PSMB1: variants seen among roughly 807,000 people sequenced by gnomAD.
PSMB1 encodes the protein proteasome 20S subunit beta 1.
In PSMB1, 7 loss-of-function variants were observed where a neutral mutation model predicts 25.4. The observed-to-expected ratio is 0.28, with a 90% CI of 0.16 to 0.52. PSMB1 has a LOEUF of 0.52. Ranked by LOEUF, PSMB1 falls within the 20% of genes least tolerant of loss-of-function variation. PSMB1 has a pLI of 0.97. For synonymous variants in PSMB1, 119 were observed against 115.0 expected, an observed-to-expected ratio of 1.03 and a Z score of -0.22; for missense variants, 284 against 302.2, an observed-to-expected ratio of 0.94 and a Z score of 0.45.
At chr6:170,541,532 A>C (rs929219939) in intron 4 of PSMB1, among the ~76,000 whole-genome samples, 1 of 152,228 alleles carries the variant, frequency 6.6e-6, no homozygotes, top group African/African-American at 2.4e-5. Context: ...AAAAGAGTGC[A>C]GTACAAATAC....
At chr6:170,539,589 G>A (rs1006964419) in intron 4 of PSMB1, among the ~76,000 whole-genome samples, 4 of 152,124 alleles carry the variant, frequency 2.6e-5, no homozygotes, top group African/African-American at 9.7e-5. Context: ...TAGGCAAAAA[G>A]ATGTTTCAAA....
At chr6:170,543,257 T>C (rs1778777174) in intron 4 of PSMB1, among the ~76,000 whole-genome samples, 1 of 152,162 alleles carries the variant, frequency 6.6e-6, no homozygotes. Context: ...TGAAGTGTAT[T>C]TGTTAATAAA....
rs1355720732 is a variant in PSMB1, at chr6:170,535,202, G to A, written c.*18C>T. 3.1e-6 allele frequency: 5 copies of A among 1,611,252 alleles called. No homozygotes were observed. Among genetic ancestry groups the A allele is most frequent in the South Asian group, 1.1e-5 (1 of 90,908 alleles). ...AAATCAACCAGGTCTGAACTGATTG[G>A]TGATAAGAGCACACAGATCAGTCCT... On this transcript the variant is annotated 3_prime_UTR_variant, in exon 6 of 6. Coordinates refer to ENST00000262193, the MANE Select transcript of PSMB1 (RefSeq NM_002793.4).
rs188768797 is a variant in PSMB1 at position 170,535,494 on chromosome 6, G to T, written c.541-89C>A. On this transcript the variant is annotated intron_variant, in intron 5 of 5. Transcript: ENST00000262193. ...TTTCTTCCAATACCCTCATGTGTAC[G>T]AGGATTTGTGATGAAAATACTACAC... The T allele has an allele frequency of 9.9e-4, 1,105 of 1,113,740 alleles. 6 individuals carry two copies. Among genetic ancestry groups the T allele is most frequent in the Non-Finnish European group, 1.2e-3 (964 of 782,096 alleles). The allele number at this position is 1,113,740 out of a possible 1,614,324, so 69.0% of individuals were successfully genotyped here.
chr6:170,540,167 G>A (rs1778740866), intron 4 of PSMB1, among the ~76,000 whole-genome samples: 1 of 152,184 alleles, frequency 6.6e-6, no homozygotes, highest in African/African-American at 2.4e-5. Flanking sequence ...CCAAGGGAAA[G>A]AGCTGTGGAC....
In PSMB1 at chr6:170,549,109, T is replaced by C. The variant is rs1583117050; in HGVS notation, c.118A>G (p.Ile40Val). The C allele has an allele frequency of 1.9e-6, 3 of 1,605,806 alleles. No individual in the cohort carries two copies. The highest frequency in any genetic ancestry group is 2.2e-5 in the South Asian group (2 of 90,856). Residue 40 changes from isoleucine (I) to valine (V), a missense_variant, in exon 2 of 6, where the codon ATA becomes GTA. Ile to Val is a conservative substitution (Grantham distance 29, BLOSUM62 3). Transcript: ENST00000262193. ...AAATCTTCTCCAGCAATTGCCAGTA[T>C]AGTACTGAGGAAAAAAGAAAAAAAT... ...FSPYVFNGGTILAIAGEDFAI... is the reference protein window; with the variant it reads ...FSPYVFNGGTVLAIAGEDFAI...
chr6:170,535,791 G>C (rs1475503332), intron 5 of PSMB1, among the ~76,000 whole-genome samples: 3 of 152,170 alleles, frequency 2.0e-5, no homozygotes, highest in African/African-American at 7.2e-5. Flanking sequence ...AGCGCTGAAG[G>C]CTACACTGAA....
intron 5 of PSMB1, among the ~76,000 whole-genome samples, chr6:170,535,980 G>A (rs1385331442): frequency 6.6e-6 from 1 of 152,154 alleles, no homozygotes; most frequent in Non-Finnish European, 1.5e-5. Context: ...GAGGAATTAG[G>A]GAAGTAAACT....
intron 4 of PSMB1, among the ~76,000 whole-genome samples, chr6:170,541,821 T>C (rs1778762078): frequency 6.6e-6 from 1 of 152,160 alleles, no homozygotes; most frequent in Admixed American, 6.5e-5. Flanking sequence ...CAAACCTGAA[T>C]CTTAGGTCTG....
At chr6:170,540,833 C>T (rs1430185776) in intron 4 of PSMB1, among the ~76,000 whole-genome samples, 1 of 151,510 alleles carries the variant, frequency 6.6e-6, no homozygotes, top group East Asian at 1.9e-4. Flanking sequence ...AGGAAATCTT[C>T]ATAAAGTAGA....
chr6:170,542,964 T>C (rs1471310406), intron 4 of PSMB1, among the ~76,000 whole-genome samples: 4 of 152,206 alleles, frequency 2.6e-5, no homozygotes, highest in African/African-American at 9.7e-5. Context: ...TATTTGATTT[T>C]TAGATGCAAC....
intron 5 of PSMB1, among the ~76,000 whole-genome samples, chr6:170,536,967 A>G (rs901663729): frequency 1.2e-4 from 19 of 152,334 alleles, no homozygotes; most frequent in Non-Finnish European, 2.4e-4. Context: ...CACTACAGAC[A>G]TAAAAGAGTT....
At chr6:170,551,548 C>A (rs1417894977) in intron 1 of PSMB1, among the ~76,000 whole-genome samples, 2 of 152,108 alleles carry the variant, frequency 1.3e-5, no homozygotes, top group African/African-American at 4.8e-5. Flanking sequence ...AACTGGATTA[C>A]AAGGGATTAA....
intron 1 of PSMB1, chr6:170,550,169 A>G (rs1452459426): frequency 3.9e-5 from 6 of 152,246 alleles, no homozygotes; most frequent in Admixed American, 2.0e-4. Flanking sequence ...AACTTAAGCC[A>G]CTATTTTTAC....
intron 5 of PSMB1, among the ~76,000 whole-genome samples, chr6:170,536,923 A>G (rs575351627): frequency 2.0e-5 from 3 of 152,298 alleles, no homozygotes; most frequent in African/African-American, 7.2e-5. Flanking sequence ...AGGCATTTTT[A>G]TGATCTTCAG....
At chr6:170,538,634 G>C (rs1443637380) in intron 4 of PSMB1, among the ~76,000 whole-genome samples, 5 of 152,174 alleles carry the variant, frequency 3.3e-5, no homozygotes, top group African/African-American at 4.8e-5. Context: ...AGGAGGCGGA[G>C]GTTGTGGTGA....
intron 4 of PSMB1, among the ~76,000 whole-genome samples, chr6:170,538,685 C>T (rs1469492239): frequency 2.0e-5 from 3 of 152,016 alleles, no homozygotes; most frequent in Non-Finnish European, 1.5e-5. Context: ...GGCAACAGAG[C>T]GAGACTTGGT....
intron 5 of PSMB1, among the ~76,000 whole-genome samples, chr6:170,537,017 G>A (rs1011018941): frequency 6.6e-6 from 1 of 152,178 alleles, no homozygotes; most frequent in Non-Finnish European, 1.5e-5. Flanking sequence ...AAAACCATGG[G>A]AGTAGGTAAG....
intron 4 of PSMB1, among the ~76,000 whole-genome samples, chr6:170,542,986 CCAAATGAGAACATTTGGATTG>C (rs1200894756): frequency 1.3e-5 from 2 of 152,098 alleles, no homozygotes; most frequent in African/African-American, 2.4e-5. Context: ...AAAAGCCAAT[CCAAATGAGAACATTTGGATTG>C]CAAATGAGAA....
Sources: gnomAD v4.1 joint callset for allele counts (sites outside exome capture counted in the v4.1 genomes callset) on GRCh38, gnomAD v4.1.1 for gene constraint, MANE v1.5 for transcripts, NCBI Gene and HGNC (gene_info 2026-07-23, HGNC 2026-07-21) for gene names.